Variants in MINDY3 observed in about 807,000 individuals in gnomAD.
MINDY3 encodes ubiquitin carboxyl-terminal hydrolase MINDY-3.
A neutral mutation model predicts 69.2 loss-of-function variants in MINDY3; 38 were observed. The observed-to-expected ratio is 0.55, with a 90% confidence interval of 0.42 to 0.72. The LOEUF is 0.72. Ranked by LOEUF, MINDY3 falls within the 30% of genes least tolerant of loss-of-function variation. MINDY3 has a pLI of 0.00. For synonymous variants in MINDY3, 192 were observed against 180.1 expected (o/e 1.07, Z -0.53); for missense variants, 522 against 519.0 (o/e 1.01, Z -0.06).
chr10:15,837,125 T>A, intron 6 of MINDY3, 79 bp downstream of exon 6: 1 of 716,286 alleles, frequency 1.4e-6, no homozygotes. Context: ...CCATCAGGAA[T>A]AAAATTACTC....
At chr10:15,780,041 A>T (rs375313366) in intron 14 of MINDY3, among the ~76,000 whole-genome samples, 1 of 152,212 alleles carries the variant, frequency 6.6e-6, no homozygotes, top group Non-Finnish European at 1.5e-5. Flanking sequence ...AAACAGATAC[A>T]GACGACTGTC....
intron 4 of MINDY3, among the ~76,000 whole-genome samples, chr10:15,838,788 T>C (rs1386134341): frequency 6.6e-6 from 1 of 151,816 alleles, no homozygotes; most frequent in Non-Finnish European, 1.5e-5. Flanking sequence ...TTTGTATAAC[T>C]GTTAAAAAGT....
At chr10:15,831,191 A>G (rs1044336225) in intron 8 of MINDY3, among the ~76,000 whole-genome samples, 1 of 152,188 alleles carries the variant, frequency 6.6e-6, no homozygotes, top group African/African-American at 2.4e-5. Flanking sequence ...AAGGGTTACA[A>G]TGTGCAGTCA....
chr10:15,838,424 T>A (rs1833236523), intron 4 of MINDY3, 145 bp from the exon 5 acceptor site: 2 of 544,384 alleles, frequency 3.7e-6, no homozygotes, highest in Admixed American at 7.8e-5. Context: ...TTCAACTTCA[T>A]TATAACATGA....
intron 13 of MINDY3, among the ~76,000 whole-genome samples, chr10:15,782,727 A>G (rs1012607908): frequency 3.9e-4 from 59 of 152,206 alleles, no homozygotes; most frequent in African/African-American, 1.4e-3. Context: ...AATATTGTCA[A>G]CCATTAATTA....
At chr10:15,837,878 C>T (rs2132074574) in intron 5 of MINDY3, 1 of 942,856 alleles carries the variant, frequency 1.1e-6, no homozygotes, top group Non-Finnish European at 1.3e-6. Flanking sequence ...GTATAGAAAA[C>T]AGATACTGGC....
In MINDY3 at chr10:15,786,173, T is replaced by C. The variant is rs149883200; in HGVS notation, c.1116+388A>G. 3.6e-3 allele frequency among the ~76,000 whole-genome samples: 547 copies of C among 152,260 alleles called. 5 individuals carry two copies. Among genetic ancestry groups the C allele is most frequent in the African/African-American group, 0.013 (520 of 41,562 alleles). ...GGTTTTAATTCTCCAGGAGCTTAGC[T>C]TCACTAGCTAGGGGCTTCTACTACC... On this transcript the variant is annotated intron_variant, in intron 13 of 14. Coordinates refer to ENST00000277632, the MANE Select transcript of MINDY3 (RefSeq NM_024948.4).
intron 10 of MINDY3, among the ~76,000 whole-genome samples, chr10:15,802,640 C>A (rs1838345349): frequency 6.6e-6 from 1 of 152,108 alleles, no homozygotes; most frequent in Non-Finnish European, 1.5e-5. Flanking sequence ...AAACAAGTAA[C>A]TCAAAACCCT....
rs113653394 is a variant in MINDY3 at position 15,837,376 on chromosome 10, A to G, written c.462-58T>C. On this transcript the variant is annotated intron_variant, in intron 5 of 14. Transcript: ENST00000277632. ...ATGATGAGATTAACTACATTCATAA[A>G]AGGGAAAATTTTTAAATTTTCTTAT... 80 of 1,360,908 alleles carry G rather than the reference A, an allele frequency of 5.9e-5. No individual in the cohort carries two copies. In the Middle Eastern group the frequency reaches 1.3e-3, roughly 22 times the overall value. The allele number at this position is 1,360,908 out of a possible 1,614,324, so 84.3% of individuals were successfully genotyped here. A position where few individuals can be genotyped will look rare whatever the true frequency, so the allele number is the denominator to read the frequency against.
chr10:15,803,513 CTT>C (rs1205496223), intron 10 of MINDY3, among the ~76,000 whole-genome samples: 1 of 152,068 alleles, frequency 6.6e-6, no homozygotes, highest in African/African-American at 2.4e-5. Context: ...AATGTAATGA[CTT>C]TATAAATGTG....
At chr10:15,821,627 C>G (rs1272351239) in intron 9 of MINDY3, 29 bp downstream of exon 9, 2 of 1,553,478 alleles carry the variant, frequency 1.3e-6, no homozygotes, top group Non-Finnish European at 1.8e-6. Context: ...AAACAAAAAA[C>G]ATTCAAAGTA....
intron 14 of MINDY3, 139 bp downstream of exon 14, chr10:15,782,016 T>A: frequency 1.4e-6 from 1 of 698,460 alleles, no homozygotes; most frequent in South Asian, 1.7e-5. Flanking sequence ...GATGGCTGAT[T>A]CTAAAATGTG....
intron 8 of MINDY3, among the ~76,000 whole-genome samples, chr10:15,828,389 T>C (rs1282135260): frequency 6.6e-6 from 1 of 152,098 alleles, no homozygotes; most frequent in Non-Finnish European, 1.5e-5. Flanking sequence ...AGAGAGAAAG[T>C]AGATGAGCGG....
At chr10:15,813,062 A>G (rs1839118805) in intron 10 of MINDY3, among the ~76,000 whole-genome samples, 1 of 152,162 alleles carries the variant, frequency 6.6e-6, no homozygotes, top group African/African-American at 2.4e-5. Flanking sequence ...CAATATATCC[A>G]TTCTCCACAA....
intron 8 of MINDY3, among the ~76,000 whole-genome samples, chr10:15,832,969 T>C (rs1385224630): frequency 6.6e-6 from 1 of 152,158 alleles, no homozygotes; most frequent in African/African-American, 2.4e-5. Context: ...AGGCACACTG[T>C]GGTTACTTAA....
In MINDY3 at chr10:15,779,137, A is replaced by C. The variant is rs200981269; in HGVS notation, c.1193T>G (p.Met398Arg). 1 of 1,612,548 alleles carries C rather than the reference A, an allele frequency of 6.2e-7. No homozygotes were observed. ...CACAACTGCAGTCCCTTCTACGTAC[A>C]TGACCTGTTGAACAAAATAAAGCCA... ...LKQSNYNEKVMYVEGTAVVMG... is the reference protein window; with the variant it reads ...LKQSNYNEKVRYVEGTAVVMG... The change falls in exon 15 of 15, where the codon ATG becomes AGG. Residue 398 changes from methionine (M) to arginine (R), a missense_variant. Met to Arg is a moderately conservative substitution (Grantham distance 91, BLOSUM62 -1). Coordinates refer to ENST00000277632, the MANE Select transcript of MINDY3 (RefSeq NM_024948.4).
At chr10:15,837,167 T>G in intron 6 of MINDY3, 37 bp downstream of exon 6, 1 of 1,233,610 alleles carries the variant, frequency 8.1e-7, no homozygotes, top group Non-Finnish European at 1.2e-6. Flanking sequence ...CTGAACAACA[T>G]TAATCAAAGG....
At chr10:15,804,198 C>T (rs1218008385) in intron 10 of MINDY3, among the ~76,000 whole-genome samples, 1 of 151,900 alleles carries the variant, frequency 6.6e-6, no homozygotes, top group Non-Finnish European at 1.5e-5. Context: ...ATTATCTAGC[C>T]TCACTCAGCT....
intron 8 of MINDY3, among the ~76,000 whole-genome samples, chr10:15,830,503 T>C (rs1011430125): frequency 5.3e-5 from 8 of 152,238 alleles, no homozygotes; most frequent in Admixed American, 1.3e-4. Flanking sequence ...TACTTAATGA[T>C]ACACTGCCTC....
Sources: allele counts gnomAD v4.1 joint callset (sites outside exome capture counted in the v4.1 genomes callset), GRCh38; gene constraint gnomAD v4.1.1; transcripts MANE v1.5; gene names NCBI Gene and HGNC (gene_info 2026-07-23, HGNC 2026-07-21).